The following ROR1 variants were observed in gnomAD, a reference collection of about 807,000 sequenced individuals.
The protein encoded by ROR1 is ROR family WNT receptor 1.
In ROR1, 19 loss-of-function variants were observed where a neutral mutation model predicts 78.8. The ratio of observed to expected loss-of-function variants is 0.24; its 90% CI spans 0.17 to 0.35. The LOEUF is 0.35. ROR1 is among the 10% of genes least tolerant of loss of function. The pLI, the probability that ROR1 is intolerant of heterozygous loss-of-function variation, is 1.00. For missense variants in ROR1, 917 were observed against 1,177.8 expected, an observed-to-expected ratio of 0.78 and a Z score of 3.24; for synonymous variants, 386 against 433.6, an observed-to-expected ratio of 0.89 and a Z score of 1.36.
At chr1:64,000,133 T>A (rs930457648) in intron 1 of ROR1, among the ~76,000 whole-genome samples, 1 of 151,804 alleles carries the variant, frequency 6.6e-6, no homozygotes, top group African/African-American at 2.4e-5. Flanking sequence ...CACAGAAAGA[T>A]GAGTAAGAAG....
chr1:63,821,503 T>C (rs1644923269), intron 1 of ROR1, among the ~76,000 whole-genome samples: 1 of 152,230 alleles, frequency 6.6e-6, no homozygotes, highest in African/African-American at 2.4e-5. Flanking sequence ...TCAGGACTTC[T>C]GGGAAACTGA....
intron 2 of ROR1, among the ~76,000 whole-genome samples, chr1:64,016,425 A>G (rs1646521181): frequency 6.6e-6 from 1 of 152,202 alleles, no homozygotes; most frequent in Non-Finnish European, 1.5e-5. Context: ...AGTAAAATAC[A>G]TTAAAATTAA....
At chr1:63,930,589 G>A (rs1360511699) in intron 1 of ROR1, among the ~76,000 whole-genome samples, 1 of 152,218 alleles carries the variant, frequency 6.6e-6, no homozygotes, top group Non-Finnish European at 1.5e-5. Context: ...CCTTACAGAA[G>A]TTTGGACCTA....
intron 1 of ROR1, among the ~76,000 whole-genome samples, chr1:63,894,323 T>C (rs991681533): frequency 6.6e-6 from 1 of 152,176 alleles, no homozygotes; most frequent in Non-Finnish European, 1.5e-5. Flanking sequence ...CATGGTACCT[T>C]GGGTAACTAA....
At chr1:63,849,946 A>G (rs1645103510) in intron 1 of ROR1, among the ~76,000 whole-genome samples, 1 of 152,228 alleles carries the variant, frequency 6.6e-6, no homozygotes, top group Non-Finnish European at 1.5e-5. Flanking sequence ...AGATACAACA[A>G]AAGCTCCCAG....
chr1:63,803,333 A>G (rs1166541834), intron 1 of ROR1, among the ~76,000 whole-genome samples: 1 of 152,084 alleles, frequency 6.6e-6, no homozygotes, highest in Non-Finnish European at 1.5e-5. Flanking sequence ...GTATTTAGAA[A>G]ACTCTCCATC....
At chr1:64,027,432 T>C (rs755838868) in intron 2 of ROR1, among the ~76,000 whole-genome samples, 1 of 152,320 alleles carries the variant, frequency 6.6e-6, no homozygotes, top group African/African-American at 2.4e-5. Flanking sequence ...TATTAACTTA[T>C]TGTTGACTTT....
At chr1:63,927,863 T>C (rs1645718361) in intron 1 of ROR1, among the ~76,000 whole-genome samples, 1 of 152,196 alleles carries the variant, frequency 6.6e-6, no homozygotes, top group Admixed American at 6.5e-5. Flanking sequence ...GAGTTAAAAT[T>C]TGGTTGATGC....
chr1:64,149,489 C>T (rs1435500726), intron 7 of ROR1, among the ~76,000 whole-genome samples: 1 of 152,146 alleles, frequency 6.6e-6, no homozygotes, highest in African/African-American at 2.4e-5. Flanking sequence ...ATGAAGCCCC[C>T]AGCCACAAAG....
intron 1 of ROR1, among the ~76,000 whole-genome samples, chr1:63,783,048 C>T (rs1268134355): frequency 1.3e-5 from 2 of 152,152 alleles, no homozygotes; most frequent in African/African-American, 2.4e-5. Flanking sequence ...CCACAGCAGC[C>T]TGCAGCTGCT....
At chr1:64,083,915 A>T (rs753368489) in intron 4 of ROR1, among the ~76,000 whole-genome samples, 9 of 152,208 alleles carry the variant, frequency 5.9e-5, no homozygotes, top group Admixed American at 3.3e-4. Flanking sequence ...AAGAAATGTG[A>T]TGGGGCAAAG....
At chr1:64,028,036 A>G (rs1221320647) in intron 2 of ROR1, among the ~76,000 whole-genome samples, 1 of 152,154 alleles carries the variant, frequency 6.6e-6, no homozygotes, top group East Asian at 1.9e-4. Context: ...CAGGAAAACA[A>G]TGTAGACAGA....
chr1:63,841,766 G>C (rs1289060682), intron 1 of ROR1, among the ~76,000 whole-genome samples: 1 of 152,174 alleles, frequency 6.6e-6, no homozygotes, highest in East Asian at 1.9e-4. Flanking sequence ...GCCCTCTGCA[G>C]GGGACTAAGG....
chr1:64,060,170 T>TA (rs982391231), intron 4 of ROR1, among the ~76,000 whole-genome samples: 28 of 151,532 alleles, frequency 1.8e-4, no homozygotes, highest in South Asian at 4.2e-4. Context: ...AAGGGCATGG[T>TA]AAAAAAAAAT....
intron 4 of ROR1, among the ~76,000 whole-genome samples, chr1:64,127,216 A>G (rs1648741375): frequency 6.6e-6 from 1 of 152,216 alleles, no homozygotes; most frequent in Non-Finnish European, 1.5e-5. Context: ...ATATATGTAC[A>G]CATTTCAAAG....
At chr1:63,863,350 A>G (rs1569834484) in intron 1 of ROR1, among the ~76,000 whole-genome samples, 1 of 152,150 alleles carries the variant, frequency 6.6e-6, no homozygotes, top group African/African-American at 2.4e-5. Context: ...TAGTGAAAGG[A>G]GGTAAATGAG....
intron 1 of ROR1, among the ~76,000 whole-genome samples, chr1:63,957,998 T>C (rs2100480612): frequency 6.6e-6 from 1 of 152,288 alleles, no homozygotes; most frequent in East Asian, 1.9e-4. Flanking sequence ...TGCCTCGGCC[T>C]CTCAAAGTGC....
chr1:63,832,791 G>A (rs530595863), intron 1 of ROR1, among the ~76,000 whole-genome samples: 1 of 152,270 alleles, frequency 6.6e-6, no homozygotes, highest in African/African-American at 2.4e-5. Context: ...AAAGTACTAG[G>A]TGGACTCAGA....
In ROR1 at chr1:64,118,947, G is replaced by T. The variant is rs187055703; in HGVS notation, c.483-18422G>T. Among the ~76,000 whole-genome samples, 3 of 152,306 alleles carry T rather than the reference G, an allele frequency of 2.0e-5. No individual in the cohort carries two copies. The East Asian group carries it at 5.8e-4, about 29-fold the overall frequency. Reference sequence around the variant, plus strand: ...GCACGTGGACCATAAATGTTGTCATGGTTTGACAGTATTAATGAAACACTT... The same window carrying T: ...GCACGTGGACCATAAATGTTGTCATTGTTTGACAGTATTAATGAAACACTT... On this transcript the variant is annotated intron_variant, in intron 4 of 8. Transcript: ENST00000371079.
Sources: allele counts gnomAD v4.1 joint callset (sites outside exome capture counted in the v4.1 genomes callset), GRCh38; gene constraint gnomAD v4.1.1; transcripts MANE v1.5; gene names NCBI Gene and HGNC (gene_info 2026-07-23, HGNC 2026-07-21).